The following GSG1L variants were observed in gnomAD, a reference collection of about 807,000 sequenced individuals.
The protein encoded by GSG1L is GSG1 like.
In GSG1L, 24 loss-of-function variants were observed where a neutral mutation model predicts 42.1. The ratio of observed to expected loss-of-function variants is 0.57; its 90% CI spans 0.41 to 0.80. The LOEUF is 0.80. Ranked by LOEUF, GSG1L falls within the 30% of genes least tolerant of loss-of-function variation. GSG1L has a pLI of 0.00. For missense variants in GSG1L, 445 were observed against 472.2 expected (o/e 0.94, Z 0.53); for synonymous variants, 215 against 203.5 (o/e 1.06, Z -0.48).
At chr16:28,023,881 T>G (rs1417778540) in intron 1 of GSG1L, among the ~76,000 whole-genome samples, 2 of 151,264 alleles carry the variant, frequency 1.3e-5, no homozygotes, top group Non-Finnish European at 2.9e-5. Context: ...AACAAAAAAA[T>G]TAGCCAGGTG....
At chr16:28,034,367 A>G in intron 1 of GSG1L, among the ~76,000 whole-genome samples, 1 of 152,174 alleles carries the variant, frequency 6.6e-6, no homozygotes, top group Non-Finnish European at 1.5e-5. Context: ...GAATTGGGAA[A>G]TCTATTTGGC....
rs149361664 is a variant in GSG1L at position 27,866,489 on chromosome 16, A to G, written c.550+17997T>C. On this transcript the variant is annotated intron_variant, in intron 3 of 6. Transcript: ENST00000447459. Reference sequence around the variant, plus strand: ...AAAGATGGAAAATTTGGCCCAAAGCACACACCTGGTGTTGAGGCCAGGATC... The same window carrying G: ...AAAGATGGAAAATTTGGCCCAAAGCGCACACCTGGTGTTGAGGCCAGGATC... 7.5e-4 allele frequency among the ~76,000 whole-genome samples: 114 copies of G among 152,290 alleles called. 1 individual carries two copies. In the East Asian group the frequency reaches 0.021, roughly 28 times the overall value.
At chr16:27,842,109 CGTGCCG>C (rs1567480970) in intron 4 of GSG1L, among the ~76,000 whole-genome samples, 11 of 117,950 alleles carry the variant, frequency 9.3e-5, no homozygotes, top group African/African-American at 2.5e-4. Context: ...CGATGTCGCG[CGTGCCG>C]AATTTCACAT....
intron 2 of GSG1L, among the ~76,000 whole-genome samples, chr16:27,961,804 C>T (rs933105201): frequency 1.5e-4 from 23 of 152,094 alleles, no homozygotes; most frequent in African/African-American, 5.3e-4. Flanking sequence ...ATGGAGGAGG[C>T]GGTCCTGACT....
intron 1 of GSG1L, among the ~76,000 whole-genome samples, chr16:28,035,470 C>T (rs2086022817): frequency 6.6e-6 from 1 of 152,168 alleles, no homozygotes; most frequent in Non-Finnish European, 1.5e-5. Context: ...CTACTCATCT[C>T]CCTCACATAG....
At chr16:27,839,955 T>C (rs1049690748) in intron 4 of GSG1L, among the ~76,000 whole-genome samples, 4 of 151,836 alleles carry the variant, frequency 2.6e-5, no homozygotes, top group African/African-American at 7.3e-5. Context: ...TGGGGATCAG[T>C]GACAGGACCA....
intron 2 of GSG1L, among the ~76,000 whole-genome samples, chr16:27,947,546 A>G (rs1203848824): frequency 1.7e-5 from 1 of 58,282 alleles, no homozygotes; most frequent in East Asian, 3.5e-4. Context: ...TGAAGGAAAG[A>G]AAGAAAGAAA....
intron 6 of GSG1L, among the ~76,000 whole-genome samples, chr16:27,804,031 T>G (rs1567460671): frequency 1.7e-5 from 1 of 58,672 alleles, no homozygotes; most frequent in Admixed American, 2.0e-4. Flanking sequence ...AATAGATAGA[T>G]TAGATGGATA....
At chr16:27,927,290 C>T (rs773623400) in intron 2 of GSG1L, among the ~76,000 whole-genome samples, 10 of 152,028 alleles carry the variant, frequency 6.6e-5, no homozygotes, top group South Asian at 4.2e-4. Flanking sequence ...GCTGGGACCA[C>T]GGGTACGTGC....
At chr16:27,963,301 T>A (rs1290345755) in intron 1 of GSG1L, 98 bp from the exon 2 acceptor site, 4 of 1,011,308 alleles carry the variant, frequency 4.0e-6, no homozygotes, top group Non-Finnish European at 6.2e-6. Context: ...CAAGCCAGTG[T>A]CTCTGACCCA....
At chr16:28,005,609 C>T (rs1434144892) in intron 1 of GSG1L, among the ~76,000 whole-genome samples, 3 of 143,700 alleles carry the variant, frequency 2.1e-5, no homozygotes, top group Non-Finnish European at 4.7e-5. Flanking sequence ...AGGAGTTCAA[C>T]GTATGAATGG....
At chr16:27,978,830 C>T (rs2085280375) in intron 1 of GSG1L, among the ~76,000 whole-genome samples, 1 of 151,762 alleles carries the variant, frequency 6.6e-6, no homozygotes, top group Non-Finnish European at 1.5e-5. Flanking sequence ...TTAAGGTTGA[C>T]CATTCCAATC....
chr16:27,875,367 A>G (rs1316002776), intron 3 of GSG1L, among the ~76,000 whole-genome samples: 1 of 151,842 alleles, frequency 6.6e-6, no homozygotes, highest in African/African-American at 2.4e-5. Context: ...TACTCCCTTT[A>G]ATGTCTTTCC....
intron 2 of GSG1L, among the ~76,000 whole-genome samples, chr16:27,909,005 G>A (rs2084350386): frequency 6.6e-6 from 1 of 152,032 alleles, no homozygotes; most frequent in Non-Finnish European, 1.5e-5. Context: ...CTCAAGCCCT[G>A]GTGCCTACAC....
At chr16:27,859,305 G>T (rs913849627) in intron 3 of GSG1L, among the ~76,000 whole-genome samples, 1 of 152,176 alleles carries the variant, frequency 6.6e-6, no homozygotes, top group South Asian at 2.1e-4. Flanking sequence ...GACAGGATCC[G>T]AGATTTGAAG....
At chr16:28,032,161 A>G (rs2141176329) in intron 1 of GSG1L, among the ~76,000 whole-genome samples, 1 of 152,306 alleles carries the variant, frequency 6.6e-6, no homozygotes, top group East Asian at 1.9e-4. Context: ...CAGGGCAGAA[A>G]TAGCTGGAGA....
chr16:27,798,029 G>T (rs191140302), intron 6 of GSG1L, among the ~76,000 whole-genome samples: 14 of 152,228 alleles, frequency 9.2e-5, no homozygotes, highest in Non-Finnish European at 2.1e-4. Context: ...TGCTCCACAG[G>T]GGGAGGATGG....
At chr16:27,792,601 C>T (rs956761497) in intron 6 of GSG1L, among the ~76,000 whole-genome samples, 1 of 152,114 alleles carries the variant, frequency 6.6e-6, no homozygotes, top group African/African-American at 2.4e-5. Context: ...TCCAGGAAGC[C>T]CCCTCTGACA....
At chr16:27,875,328 G>C (rs2083874293) in intron 3 of GSG1L, among the ~76,000 whole-genome samples, 2 of 152,108 alleles carry the variant, frequency 1.3e-5, no homozygotes, top group African/African-American at 4.8e-5. Flanking sequence ...CTGAGCCCCA[G>C]TGGCCCACAG....
Sources: allele counts gnomAD v4.1 joint callset (sites outside exome capture counted in the v4.1 genomes callset), GRCh38; gene constraint gnomAD v4.1.1; transcripts MANE v1.5; gene names NCBI Gene and HGNC (gene_info 2026-07-23, HGNC 2026-07-21).